GRM8: variants seen among roughly 807,000 people sequenced by gnomAD.
GRM8 encodes glutamate metabotropic receptor 8, also known as metabotropic glutamate receptor 8.
Under a neutral mutation model 87.2 loss-of-function variants are expected in GRM8, and 47 were observed. The ratio of observed to expected loss-of-function variants is 0.54; its 90% CI spans 0.43 to 0.69. GRM8 has a LOEUF of 0.69. Among genes scored for constraint, GRM8 ranks in the 30% least tolerant of loss-of-function variants. GRM8 has a pLI of 0.00. For missense variants in GRM8, 1,019 were observed against 1,139.2 expected, an observed-to-expected ratio of 0.89 and a Z score of 1.52; for synonymous variants, 396 against 404.5, an observed-to-expected ratio of 0.98 and a Z score of 0.25.
chr7:126,862,263 T>A (rs1054863266), intron 6 of GRM8, among the ~76,000 whole-genome samples: 1 of 151,956 alleles, frequency 6.6e-6, no homozygotes, highest in African/African-American at 2.4e-5. Context: ...TGATGTTTTA[T>A]ATGGTCAGTT....
chr7:126,953,070 G>T (rs1808327970), intron 3 of GRM8, among the ~76,000 whole-genome samples: 1 of 151,994 alleles, frequency 6.6e-6, no homozygotes, highest in African/African-American at 2.4e-5. Flanking sequence ...TTCCATTTTT[G>T]CAACTTTTCT....
At chr7:127,183,558 G>A (rs1794587014) in intron 2 of GRM8, among the ~76,000 whole-genome samples, 1 of 151,290 alleles carries the variant, frequency 6.6e-6, no homozygotes, top group Admixed American at 6.6e-5. Flanking sequence ...GAAAATTATG[G>A]CACTAAATGC....
At chr7:126,798,511 A>G (rs1182913295) in intron 6 of GRM8, among the ~76,000 whole-genome samples, 1 of 152,148 alleles carries the variant, frequency 6.6e-6, no homozygotes, top group Non-Finnish European at 1.5e-5. Context: ...ATCAGCACAT[A>G]TCTGAGATAA....
At chr7:127,237,194 G>A (rs774737796) in intron 2 of GRM8, among the ~76,000 whole-genome samples, 8 of 152,210 alleles carry the variant, frequency 5.3e-5, no homozygotes, top group Non-Finnish European at 1.2e-4. Context: ...CCTAAGGAGA[G>A]TGAGCTCTTT....
chr7:126,976,214 T>C (rs980493725), intron 3 of GRM8, among the ~76,000 whole-genome samples: 8 of 152,190 alleles, frequency 5.3e-5, no homozygotes, highest in Non-Finnish European at 1.0e-4. Flanking sequence ...AATTCCTTTC[T>C]AAAATCAGAA....
intron 3 of GRM8, among the ~76,000 whole-genome samples, chr7:126,909,148 A>G (rs1486111507): frequency 6.6e-6 from 1 of 152,222 alleles, no homozygotes; most frequent in East Asian, 1.9e-4. Context: ...CAAGGGTGTA[A>G]ATTAGGTAAC....
At chr7:126,456,497 T>G (rs1249847522) in intron 9 of GRM8, among the ~76,000 whole-genome samples, 3 of 87,982 alleles carry the variant, frequency 3.4e-5, no homozygotes, top group African/African-American at 1.1e-4. Context: ...TGCTGAATCC[T>G]AAGTGTAAGA....
At chr7:127,114,763 A>G (rs1826600638) in intron 2 of GRM8, among the ~76,000 whole-genome samples, 1 of 152,220 alleles carries the variant, frequency 6.6e-6, no homozygotes, top group Non-Finnish European at 1.5e-5. Context: ...TTACAAAGTC[A>G]TATGTTGATT....
chr7:126,643,318 AAATATATATATATATATATATAT>A (rs1802664358), intron 7 of GRM8, among the ~76,000 whole-genome samples: 2 of 18,944 alleles, frequency 1.1e-4, no homozygotes, highest in Admixed American at 8.9e-4. Context: ...AAAAAAAAAA[AAATATATATATATATATATATAT>A]ATATATATAT....
chr7:126,993,685 A>C (rs890546186), intron 3 of GRM8, among the ~76,000 whole-genome samples: 2 of 152,170 alleles, frequency 1.3e-5, no homozygotes, highest in Non-Finnish European at 2.9e-5. Flanking sequence ...GGGAGAGCAC[A>C]GTGACTGGGG....
chr7:126,568,281 A>T (rs1395807825), intron 8 of GRM8, among the ~76,000 whole-genome samples: 1 of 152,166 alleles, frequency 6.6e-6, no homozygotes, highest in Non-Finnish European at 1.5e-5. Context: ...TCAAGATATC[A>T]AACATATCCA....
intron 7 of GRM8, among the ~76,000 whole-genome samples, chr7:126,648,360 T>A (rs143952619): frequency 1.3e-5 from 2 of 152,358 alleles, no homozygotes; most frequent in East Asian, 3.8e-4. Flanking sequence ...CTGATTTTCA[T>A]AAGAAATGAC....
chr7:126,910,671 C>T (rs943674313), intron 3 of GRM8, among the ~76,000 whole-genome samples: 12 of 152,134 alleles, frequency 7.9e-5, no homozygotes, highest in African/African-American at 2.9e-4. Flanking sequence ...CTACCTAGGC[C>T]TTAGTGTATT....
chr7:127,085,115 A>C (rs1823332183), intron 3 of GRM8, among the ~76,000 whole-genome samples: 1 of 152,170 alleles, frequency 6.6e-6, no homozygotes. Flanking sequence ...TTCCAGCTTC[A>C]TCCACGTCCC....
At chr7:126,646,450 T>C (rs568058453) in intron 7 of GRM8, among the ~76,000 whole-genome samples, 1 of 152,110 alleles carries the variant, frequency 6.6e-6, no homozygotes, top group South Asian at 2.1e-4. Flanking sequence ...CACTAACCCA[T>C]CTTCCTTCAT....
chr7:126,480,591 C>A (rs1313053058), intron 9 of GRM8, among the ~76,000 whole-genome samples: 2 of 151,946 alleles, frequency 1.3e-5, no homozygotes, highest in Non-Finnish European at 2.9e-5. Flanking sequence ...AGCCAAATTT[C>A]TCACTGTGTG....
intron 2 of GRM8, among the ~76,000 whole-genome samples, chr7:127,241,052 G>A (rs968446429): frequency 1.4e-4 from 21 of 152,218 alleles, no homozygotes; most frequent in Non-Finnish European, 2.8e-4. Flanking sequence ...ACACCCTGAA[G>A]CCTGTTTGTG....
intron 3 of GRM8, among the ~76,000 whole-genome samples, chr7:126,982,447 A>C (rs1261400593): frequency 1.3e-5 from 2 of 152,238 alleles, no homozygotes; most frequent in Non-Finnish European, 1.5e-5. Context: ...TCCTGAGATC[A>C]TACATAATCT....
rs140172390 is a variant in GRM8, at chr7:126,705,063, C to T, written c.1357+64802G>A. ...ACTGACATGTGATGTCTCCCCTGGA[C>T]GCCCAGCTTTAAAATTTCTCTCTTT... On this transcript the variant is annotated intron_variant, in intron 7 of 10. Coordinates refer to ENST00000339582, the MANE Select transcript of GRM8 (RefSeq NM_000845.3). Among the ~76,000 whole-genome samples the T allele has an allele frequency of 1.7e-3, 261 of 152,204 alleles. 4 individuals are homozygous for T. Among genetic ancestry groups the T allele is most frequent in the East Asian group, 0.015 (80 of 5,162 alleles).
Sources: allele counts gnomAD v4.1 joint callset (sites outside exome capture counted in the v4.1 genomes callset), GRCh38; gene constraint gnomAD v4.1.1; transcripts MANE v1.5; gene names NCBI Gene and HGNC (gene_info 2026-07-23, HGNC 2026-07-21).